Variants in MRPS9 observed in about 807,000 individuals in gnomAD.
MRPS9 encodes the protein mitochondrial ribosomal protein S9.
A neutral mutation model predicts 59.9 loss-of-function variants in MRPS9; 45 were observed. The ratio of observed to expected loss-of-function variants is 0.75; its 90% CI spans 0.59 to 0.96. The LOEUF (loss-of-function observed/expected upper bound fraction) is 0.96, where lower values mean the gene tolerates loss of function less well. Ranked by LOEUF, MRPS9 falls within the 40% of genes least tolerant of loss-of-function variation. MRPS9 has a pLI of 0.00. For missense variants in MRPS9, 473 were observed against 481.1 expected (o/e 0.98, Z 0.16); for synonymous variants, 171 against 166.8 (o/e 1.03, Z -0.19).
rs1680580660 is a variant in MRPS9 at position 105,092,532 on chromosome 2, G to A, written c.783G>A (p.Gln261=). The part of the protein sequence containing the change: ...ESKKQLIEPV[Q]YDEQGMAFSK... ...AAAAACAGCTGATTGAACCTGTACAGTATGATGAGCAAGGAATGGCCTTTA... is the reference window on the plus strand; with the variant it reads ...AAAAACAGCTGATTGAACCTGTACAATATGATGAGCAAGGAATGGCCTTTA... Residue 261 remains glutamine, a synonymous_variant, in exon 8 of 11, where the codon CAG becomes CAA. Coordinates refer to ENST00000258455, the MANE Select transcript of MRPS9 (RefSeq NM_182640.3). 1 of 1,609,600 alleles carries A rather than the reference G, an allele frequency of 6.2e-7. No homozygotes were observed. The highest frequency in any genetic ancestry group is 1.7e-5 in the Admixed American group (1 of 58,722).
At chr2:105,041,001 C>A (rs1019720870) in intron 1 of MRPS9, among the ~76,000 whole-genome samples, 1 of 152,128 alleles carries the variant, frequency 6.6e-6, no homozygotes. Context: ...TGGGCTTTGT[C>A]AGCAACAATT....
At chr2:105,067,874 C>CTA (rs949297749) in intron 2 of MRPS9, among the ~76,000 whole-genome samples, 6 of 152,282 alleles carry the variant, frequency 3.9e-5, no homozygotes, top group African/African-American at 1.4e-4. Flanking sequence ...ATCAACCAGG[C>CTA]TATAGTGTAG....
intron 4 of MRPS9, among the ~76,000 whole-genome samples, chr2:105,073,678 G>A (rs12712196): frequency 0.75 from 113,467 of 152,066 alleles, 42,797 homozygotes; most frequent in African/African-American, 0.86. Context: ...AAACAAAGAT[G>A]ACTACTGGGT....
chr2:105,052,185 C>T (rs1216479948), intron 2 of MRPS9, among the ~76,000 whole-genome samples: 14 of 152,064 alleles, frequency 9.2e-5, no homozygotes, highest in Non-Finnish European at 7.4e-5. Flanking sequence ...AGTGGATGTC[C>T]CAATTTTGTT....
intron 2 of MRPS9, among the ~76,000 whole-genome samples, chr2:105,061,596 C>A (rs551322137): frequency 1.9e-4 from 29 of 152,268 alleles, no homozygotes; most frequent in African/African-American, 6.7e-4. Flanking sequence ...CATCACTACC[C>A]GCAGCAGGTT....
At chr2:105,097,384 T>A (rs1478668677) in intron 10 of MRPS9, 60 bp downstream of exon 10, 16 of 1,385,294 alleles carry the variant, frequency 1.2e-5, no homozygotes, top group Non-Finnish European at 1.4e-5. Flanking sequence ...GTTCATCTGC[T>A]TCTTGTCCTA....
At chr2:105,075,297 C>T (rs55968723) in intron 4 of MRPS9, among the ~76,000 whole-genome samples, 32,802 of 151,974 alleles carry the variant, frequency 0.22, 3,575 homozygotes, top group Middle Eastern at 0.34. Context: ...AGTGCTCTTA[C>T]TGCGAAACAC....
intron 1 of MRPS9, 35 bp from the exon 2 acceptor site, chr2:105,049,136 T>C: frequency 7.3e-7 from 1 of 1,371,696 alleles, no homozygotes; most frequent in Non-Finnish European, 1.0e-6. Flanking sequence ...CAGTTTAATT[T>C]ATTTTCTTTT....
At chr2:105,072,193 A>C (rs1680127682) in intron 4 of MRPS9, among the ~76,000 whole-genome samples, 2 of 152,278 alleles carry the variant, frequency 1.3e-5, no homozygotes, top group South Asian at 4.1e-4. Context: ...CTTACCCATC[A>C]AGCTTTTGCT....
chr2:105,066,645 G>A (rs1014589353), intron 2 of MRPS9, among the ~76,000 whole-genome samples: 2 of 151,896 alleles, frequency 1.3e-5, no homozygotes, highest in Admixed American at 1.3e-4. Flanking sequence ...AAACTCAGTT[G>A]AATTGTCTCC....
chr2:105,086,746 A>G (rs937373357), intron 5 of MRPS9, among the ~76,000 whole-genome samples: 4 of 152,196 alleles, frequency 2.6e-5, no homozygotes, highest in Admixed American at 1.3e-4. Flanking sequence ...TGTCAGATAC[A>G]TTCCTCTGCT....
At chr2:105,054,505 C>T (rs1249506487) in intron 2 of MRPS9, among the ~76,000 whole-genome samples, 1 of 152,254 alleles carries the variant, frequency 6.6e-6, no homozygotes, top group Non-Finnish European at 1.5e-5. Context: ...TGACATAATT[C>T]TGCTGTGCTA....
chr2:105,078,168 A>C (rs1490837605), intron 4 of MRPS9, among the ~76,000 whole-genome samples: 1 of 99,542 alleles, frequency 1.0e-5, no homozygotes, highest in African/African-American at 4.1e-5. Context: ...TTCAAATTTT[A>C]ATGTCTGACA....
intron 6 of MRPS9, among the ~76,000 whole-genome samples, chr2:105,089,552 C>T (rs1293328208): frequency 6.6e-6 from 1 of 152,160 alleles, no homozygotes; most frequent in East Asian, 1.9e-4. Flanking sequence ...GCACTCCTGT[C>T]CCTTTAGTTG....
At chr2:105,087,233 T>C (rs1680465951) in intron 5 of MRPS9, among the ~76,000 whole-genome samples, 2 of 152,092 alleles carry the variant, frequency 1.3e-5, no homozygotes, top group Admixed American at 1.3e-4. Flanking sequence ...TGTCTTCTAA[T>C]TGTCAGATAC....
intron 1 of MRPS9, among the ~76,000 whole-genome samples, chr2:105,040,791 C>T (rs1679487656): frequency 6.6e-6 from 1 of 152,110 alleles, no homozygotes; most frequent in African/African-American, 2.4e-5. Context: ...GAGGTAAATA[C>T]AGAAGAGCAC....
rs372945720 is a variant in MRPS9 at position 105,092,300 on chromosome 2, C to T, written c.652-101C>T. The T allele has an allele frequency of 2.0e-4, 208 of 1,060,510 alleles. 3 individuals carry two copies. In the African/African-American group the frequency reaches 2.8e-3, roughly 14 times the overall value. 65.7% of individuals were successfully genotyped at this position (1,060,510 alleles called of 1,614,324 possible). On this transcript the variant is annotated intron_variant, in intron 7 of 10. Transcript: ENST00000258455. ...GAAGTGTCATCCTGTCAAAATTCAT[C>T]AGGAAAAGCAACATTGGAAAGATCA...
chr2:105,070,127 G>GT (rs1215345231), intron 2 of MRPS9, among the ~76,000 whole-genome samples: 7 of 152,048 alleles, frequency 4.6e-5, no homozygotes, highest in African/African-American at 1.4e-4. Context: ...TTTGATCTAA[G>GT]TTTTTTATTT....
chr2:105,064,292 G>T (rs1679955944), intron 2 of MRPS9, among the ~76,000 whole-genome samples: 1 of 152,064 alleles, frequency 6.6e-6, no homozygotes, highest in South Asian at 2.1e-4. Flanking sequence ...TAGGTCACAG[G>T]GTTTGGAAAA....
Sources: gnomAD v4.1 joint callset for allele counts (sites outside exome capture counted in the v4.1 genomes callset) on GRCh38, gnomAD v4.1.1 for gene constraint, MANE v1.5 for transcripts, NCBI Gene and HGNC (gene_info 2026-07-23, HGNC 2026-07-21) for gene names.